Variants in DPYS observed in about 807,000 individuals in gnomAD.
DPYS encodes dihydropyrimidine amidohydrolase.
Under a neutral mutation model 50.3 loss-of-function variants are expected in DPYS, and 39 were observed. The observed-to-expected ratio is 0.78, with a 90% CI of 0.60 to 1.01. DPYS has a LOEUF of 1.01. DPYS is among the 50% of genes least tolerant of loss of function. The probability of loss-of-function intolerance (pLI) is 0.00; values close to 1 mark genes in which losing one functional copy is unlikely to be tolerated. For synonymous variants in DPYS, 245 were observed against 250.7 expected (o/e 0.98, Z 0.22); for missense variants, 659 against 680.9 (o/e 0.97, Z 0.36).
In DPYS at chr8:104,381,208, G is replaced by A. The variant is rs774908423; in HGVS notation, c.1550C>T (p.Ala517Val). 6 of 1,613,982 alleles carry A rather than the reference G, an allele frequency of 3.7e-6. No homozygotes were observed. The highest frequency in any genetic ancestry group is 5.1e-6 in the Non-Finnish European group (6 of 1,179,958). ...EDATAGTRKQ[A>V]HP ...CCGATGGCACACACTTCAGGGGTGG[G>A]CCTGTTTCCTGGTCCCTGCTGTGGC... Residue 517 changes from alanine (A) to valine (V), a missense_variant, in exon 9 of 10, where the codon GCC (alanine) becomes GTC (valine). Ala to Val is a moderately conservative substitution (Grantham distance 64). Transcript: ENST00000351513.
Position 104,429,700 on chromosome 8 carries a change from C to T in DPYS, c.795G>A (p.Gly265=), listed in dbSNP as rs771536624. The change falls in exon 5 of 10, where the codon GGG becomes GGA. Residue 265 remains glycine (G), a splice_region_variant and synonymous_variant. Transcript: ENST00000351513. ...CTATGGGTTCACCATAGACCACCTT[C>T]CCTGGAAAGATTAAAAGAAGCATTC... ...AKVIADARRD[G]KVVYGEPIAA... is the part of the protein sequence containing the mutation. The T allele has an allele frequency of 2.5e-6, 4 of 1,614,044 alleles. 1 individual carries two copies. The South Asian group carries it at 4.4e-5, about 18-fold the overall frequency.
chr8:104,391,514 A>T (rs1248658000), intron 8 of DPYS, among the ~76,000 whole-genome samples: 1 of 152,204 alleles, frequency 6.6e-6, no homozygotes, highest in African/African-American at 2.4e-5. Context: ...CCATATCCAG[A>T]AATTTAGATT....
chr8:104,427,131 G>A (rs377358968), intron 6 of DPYS, among the ~76,000 whole-genome samples: 1 of 150,308 alleles, frequency 6.7e-6, no homozygotes, highest in East Asian at 2.0e-4. Context: ...AACCCAGGAG[G>A]TGGAGGTTGC....
chr8:104,437,334 C>G (rs1170970933), intron 4 of DPYS, among the ~76,000 whole-genome samples: 1 of 152,176 alleles, frequency 6.6e-6, no homozygotes, highest in Admixed American at 6.5e-5. Flanking sequence ...ATCTCCTGGG[C>G]TGCAGAAACA....
chr8:104,427,818 A>G (rs1812785729), intron 6 of DPYS, among the ~76,000 whole-genome samples, 162 bp downstream of exon 6: 1 of 152,164 alleles, frequency 6.6e-6, no homozygotes, highest in African/African-American at 2.4e-5. Flanking sequence ...ATACTGAGGG[A>G]TGGAATGGTG....
Position 104,416,652 on chromosome 8 carries a change from C to T in DPYS, c.1235+7595G>A, listed in dbSNP as rs375820663. Among the ~76,000 whole-genome samples, 20 of 141,188 alleles carry T rather than the reference C, an allele frequency of 1.4e-4. 1 individual carries two copies. Among genetic ancestry groups the T allele is most frequent in the African/African-American group, 4.0e-4 (14 of 35,274 alleles). 92.6% of individuals were successfully genotyped at this position (141,188 alleles called of 152,430 possible). On this transcript the variant is annotated intron_variant, in intron 7 of 9. Coordinates refer to ENST00000351513, the MANE Select transcript of DPYS (RefSeq NM_001385.3). ...GAACACAGGCTGCTGTGCTGATGTG[C>T]ATGTGAGTGTGTGTGTGTGTGTGTG...
At chr8:104,394,051 A>G (rs1811494967) in intron 7 of DPYS, among the ~76,000 whole-genome samples, 1 of 152,224 alleles carries the variant, frequency 6.6e-6, no homozygotes, top group Admixed American at 6.5e-5. Context: ...GTGAGAACAT[A>G]CAATGTTTGG....
Position 104,428,239 on chromosome 8 carries a change from A to G in DPYS, c.951-118T>C. 6 of 1,330,942 alleles carry G rather than the reference A, an allele frequency of 4.5e-6. No individual in the cohort carries two copies. In the South Asian group the frequency reaches 6.0e-5, roughly 13 times the overall value. 82.4% of individuals were successfully genotyped at this position (1,330,942 alleles called of 1,614,324 possible). On this transcript the variant is annotated intron_variant, in intron 5 of 9. Transcript: ENST00000351513. The stretch of plus-strand genomic sequence containing the variant: ...TCTCAATTGAAGTCAGAAAAATCCA[A>G]TGGAGAATGAGCAGTTTTTTCAAGA...
intron 7 of DPYS, among the ~76,000 whole-genome samples, chr8:104,393,952 C>A (rs1290038729): frequency 6.6e-6 from 1 of 152,160 alleles, no homozygotes; most frequent in Non-Finnish European, 1.5e-5. Flanking sequence ...TTATCCCTCA[C>A]CCCTTCCCAC....
At chr8:104,403,604 T>C (rs1206844032) in intron 7 of DPYS, among the ~76,000 whole-genome samples, 1 of 152,198 alleles carries the variant, frequency 6.6e-6, no homozygotes, top group Non-Finnish European at 1.5e-5. Context: ...TCTGGGGGAC[T>C]TCTAAACTTA....
intron 7 of DPYS, among the ~76,000 whole-genome samples, chr8:104,407,918 A>G (rs993253031): frequency 2.6e-5 from 4 of 152,190 alleles, no homozygotes; most frequent in African/African-American, 9.6e-5. Context: ...CCCACGAACT[A>G]TACACAACCC....
intron 2 of DPYS, among the ~76,000 whole-genome samples, chr8:104,447,945 A>G (rs1335940484): frequency 6.6e-6 from 1 of 152,168 alleles, no homozygotes; most frequent in African/African-American, 2.4e-5. Flanking sequence ...TAGAAGGAGA[A>G]AGTAGAAGAT....
At chr8:104,442,529 C>T (rs1813391859) in intron 4 of DPYS, among the ~76,000 whole-genome samples, 1 of 152,174 alleles carries the variant, frequency 6.6e-6, no homozygotes, top group South Asian at 2.1e-4. Context: ...AAACCTATAA[C>T]TTTAAAATCG....
intron 8 of DPYS, among the ~76,000 whole-genome samples, chr8:104,384,665 AG>A (rs1202633790): frequency 1.9e-4 from 29 of 152,346 alleles, no homozygotes; most frequent in South Asian, 1.0e-3. Flanking sequence ...ACTAGCAGTC[AG>A]GGTCAAAATA....
intron 7 of DPYS, among the ~76,000 whole-genome samples, chr8:104,421,938 G>A (rs950890363): frequency 1.3e-5 from 2 of 152,174 alleles, no homozygotes; most frequent in African/African-American, 4.8e-5. Context: ...GACTCAAAGA[G>A]ACATAATCAC....
At chr8:104,439,045 T>TGAGATCCTGCC (rs1354244161) in intron 4 of DPYS, among the ~76,000 whole-genome samples, 2 of 151,014 alleles carry the variant, frequency 1.3e-5, no homozygotes, top group African/African-American at 4.9e-5. Flanking sequence ...AGATCTCCTG[T>TGAGATCCTGCC]GAGATCCTGC....
rs143108424 is a variant in DPYS at position 104,390,696 on chromosome 8, G to A, written c.1443+2088C>T. Among the ~76,000 whole-genome samples, 542 of 151,938 alleles carry A rather than the reference G, an allele frequency of 3.6e-3. 3 individuals are homozygous for A. The highest frequency in any genetic ancestry group is 0.012 in the African/African-American group (502 of 41,446). The stretch of plus-strand genomic sequence containing the variant: ...GCATTTTTAGTAGAGATGGGGTTTT[G>A]CCATGTTGCCCAGGCTGGTCTTGAA... On this transcript the variant is annotated intron_variant, in intron 8 of 9. Coordinates refer to ENST00000351513, the MANE Select transcript of DPYS (RefSeq NM_001385.3).
At chr8:104,428,618 G>C (rs1261693158) in intron 5 of DPYS, among the ~76,000 whole-genome samples, 1 of 152,236 alleles carries the variant, frequency 6.6e-6, no homozygotes, top group Non-Finnish European at 1.5e-5. Context: ...CAGAGGGTGA[G>C]ACTGGCTGGC....
At chr8:104,394,006 C>T (rs1811493658) in intron 7 of DPYS, among the ~76,000 whole-genome samples, 1 of 152,298 alleles carries the variant, frequency 6.6e-6, no homozygotes, top group Non-Finnish European at 1.5e-5. Flanking sequence ...TATTCTTATG[C>T]CTTTGCATCC....
Sources: allele counts gnomAD v4.1 joint callset (sites outside exome capture counted in the v4.1 genomes callset), GRCh38; gene constraint gnomAD v4.1.1; transcripts MANE v1.5; gene names NCBI Gene and HGNC (gene_info 2026-07-23, HGNC 2026-07-21).